PLEKHD1: variants seen among roughly 807,000 people sequenced by gnomAD.
PLEKHD1 encodes the protein pleckstrin homology and coiled-coil domain containing D1.
Under a neutral mutation model 69.2 loss-of-function variants are expected in PLEKHD1, and 51 were observed. The ratio of observed to expected loss-of-function variants is 0.74; its 90% CI spans 0.59 to 0.93. The LOEUF (loss-of-function observed/expected upper bound fraction) is 0.93. Ranked by LOEUF, PLEKHD1 falls within the 40% of genes least tolerant of loss-of-function variation. The probability of loss-of-function intolerance (pLI) is 0.00; values close to 1 mark genes in which losing one functional copy is unlikely to be tolerated. For missense variants in PLEKHD1, 584 were observed against 641.0 expected (o/e 0.91, Z 0.96); for synonymous variants, 236 against 244.7 (o/e 0.96, Z 0.33).
At chr14:69,477,272 C>G in the PLEKHD1 span, among the ~76,000 whole-genome samples, 2 of 152,034 alleles carry the variant, frequency 1.3e-5, no homozygotes, top group African/African-American at 2.4e-5. Flanking sequence ...TTCACTATCA[C>G]GAGAACAGCA....
chr14:69,476,279 T>A, the PLEKHD1 span, among the ~76,000 whole-genome samples: 313 of 89,518 alleles, frequency 3.5e-3, 2 homozygotes, highest in Admixed American at 0.011. Flanking sequence ...AAAAAAAAAA[T>A]GGCATCACTG....
At chr14:69,477,112 A>G in the PLEKHD1 span, among the ~76,000 whole-genome samples, 1 of 152,106 alleles carries the variant, frequency 6.6e-6, no homozygotes, top group Admixed American at 6.6e-5. Context: ...CCCAGGTTCA[A>G]GCAATTCTCC....
intron 1 of PLEKHD1, among the ~76,000 whole-genome samples, chr14:69,497,853 C>T (rs1420592629): frequency 6.6e-6 from 1 of 152,034 alleles, no homozygotes; most frequent in African/African-American, 2.4e-5. Flanking sequence ...GGCCACAGGG[C>T]TGTGTTTGTT....
At chr14:69,468,344 T>TA in the PLEKHD1 span, among the ~76,000 whole-genome samples, 1 of 152,356 alleles carries the variant, frequency 6.6e-6, no homozygotes, top group African/African-American at 2.4e-5. Flanking sequence ...ATGTGGCAGA[T>TA]ACTCCTTTCG....
chr14:69,498,797 G>A (rs1005932354), intron 1 of PLEKHD1, among the ~76,000 whole-genome samples: 3 of 151,946 alleles, frequency 2.0e-5, no homozygotes, highest in South Asian at 2.1e-4. Flanking sequence ...ACAGGTGTGC[G>A]CCACCACACC....
chr14:69,497,056 G>A (rs972778951), intron 1 of PLEKHD1, among the ~76,000 whole-genome samples: 1 of 152,162 alleles, frequency 6.6e-6, no homozygotes, highest in Non-Finnish European at 1.5e-5. Context: ...TGGCCCTGGA[G>A]ACAGTCGTGT....
intron 6 of PLEKHD1, among the ~76,000 whole-genome samples, chr14:69,517,925 G>A (rs962863085): frequency 1.8e-4 from 27 of 152,084 alleles, no homozygotes; most frequent in Non-Finnish European, 1.5e-4. Context: ...GGTTTGTAAT[G>A]CTACTCTAAT....
At chr14:69,477,652 G>A in the PLEKHD1 span, among the ~76,000 whole-genome samples, 3 of 152,220 alleles carry the variant, frequency 2.0e-5, no homozygotes, top group Admixed American at 1.3e-4. Context: ...AAACAAAGTG[G>A]CTACAGGCCC....
chr14:69,488,914 C>A (rs1213452904), intron 1 of PLEKHD1, among the ~76,000 whole-genome samples: 4 of 152,178 alleles, frequency 2.6e-5, no homozygotes, highest in East Asian at 1.9e-4. Context: ...ACCCTCTTCC[C>A]TTTCTGTGCT....
chr14:69,501,648 C>G, intron 4 of PLEKHD1, 86 bp from the exon 5 acceptor site: 13 of 1,028,776 alleles, frequency 1.3e-5, no homozygotes, highest in Non-Finnish European at 1.7e-5. Context: ...AAACGTATGC[C>G]TTCTCTTTCC....
At chr14:69,473,063 A>G in the PLEKHD1 span, among the ~76,000 whole-genome samples, 1 of 152,170 alleles carries the variant, frequency 6.6e-6, no homozygotes, top group Admixed American at 6.5e-5. Flanking sequence ...GCAGGAAAAC[A>G]AGTTCAGGGC....
rs1487033496 is a variant in PLEKHD1 at position 69,484,806 on chromosome 14, A to T, written c.-160A>T. On this transcript the variant is annotated 5_prime_UTR_variant, in exon 1 of 13. Transcript: ENST00000322564. Reference sequence around the variant, plus strand: ...CCTGCGCCCCCTTGGTGCCGCGTCCAGTGCCCAGCGCGCTTTGATGCTGCA... The same window carrying T: ...CCTGCGCCCCCTTGGTGCCGCGTCCTGTGCCCAGCGCGCTTTGATGCTGCA... 2.5e-6 allele frequency: 2 copies of T among 800,516 alleles called. No homozygotes were observed. Among genetic ancestry groups the T allele is most frequent in the African/African-American group, 1.8e-5 (1 of 56,024 alleles). 49.6% of individuals were successfully genotyped at this position (800,516 alleles called of 1,614,324 possible). A position where few individuals can be genotyped will look rare whatever the true frequency, so the allele number is the denominator to read the frequency against.
At chr14:69,484,243 C>T (rs1480978447), upstream of PLEKHD1, among the ~76,000 whole-genome samples, 1 of 152,232 alleles carries the variant, frequency 6.6e-6, no homozygotes, top group Non-Finnish European at 1.5e-5. Flanking sequence ...TCAGGCATCG[C>T]CACTTCACTG....
At position 69,501,951 on chromosome 14, in the gene PLEKHD1, C is replaced by A. The variant is rs147540842; in HGVS notation, c.502+126C>A. ...GGTGGGGCTATGAGGGAACAGAGAC[C>A]AGTTTGGCACCTGGAGGGCTTCCTG... On this transcript the variant is annotated intron_variant, in intron 5 of 12. Coordinates refer to ENST00000322564, the MANE Select transcript of PLEKHD1 (RefSeq NM_001161498.2). 10 of 814,290 alleles carry A rather than the reference C, an allele frequency of 1.2e-5. No individual in the cohort carries two copies. In the East Asian group the frequency reaches 2.8e-4, roughly 23 times the overall value. The allele number at this position is 814,290 out of a possible 1,614,324, so 50.4% of individuals were successfully genotyped here.
intron 7 of PLEKHD1, among the ~76,000 whole-genome samples, chr14:69,523,720 G>C (rs1594993095): frequency 6.6e-6 from 1 of 152,164 alleles, no homozygotes; most frequent in South Asian, 2.1e-4. Context: ...GGCCTTGAAA[G>C]GTGAGTAGGA....
At chr14:69,513,318 G>A (rs1883313363) in intron 6 of PLEKHD1, among the ~76,000 whole-genome samples, 1 of 152,134 alleles carries the variant, frequency 6.6e-6, no homozygotes, top group South Asian at 2.1e-4. Flanking sequence ...GAATCAGGCA[G>A]CCCTCAGAAT....
rs1883764014 is a variant in PLEKHD1, at chr14:69,530,316, T to C, written c.*1897T>C. ...GGCTTCATACAGTCTCTGCAGAATC[T>C]AGCTGGGGAGAGGGCTGAGTCAGTT... On this transcript the variant is annotated 3_prime_UTR_variant, in exon 13 of 13. Coordinates refer to ENST00000322564, the MANE Select transcript of PLEKHD1 (RefSeq NM_001161498.2). 1 of 152,234 alleles carries C rather than the reference T, an allele frequency of 6.6e-6. No homozygotes were observed. Among genetic ancestry groups the C allele is most frequent in the South Asian group, 2.1e-4 (1 of 4,822 alleles). The allele number at this position is 152,234 out of a possible 1,614,324, so 9.4% of individuals were successfully genotyped here. A position where few individuals can be genotyped will look rare whatever the true frequency, so the allele number is the denominator to read the frequency against.
chr14:69,487,752 A>G (rs1185904393), intron 1 of PLEKHD1, among the ~76,000 whole-genome samples: 3 of 152,186 alleles, frequency 2.0e-5, no homozygotes, highest in African/African-American at 7.2e-5. Context: ...TCTAGAAGGG[A>G]AGGCTGTTGA....
chr14:69,509,908 A>C (rs1883233795), intron 6 of PLEKHD1, among the ~76,000 whole-genome samples: 1 of 152,022 alleles, frequency 6.6e-6, no homozygotes, highest in Admixed American at 6.6e-5. Flanking sequence ...ACTGCACCCC[A>C]GCCTGGGTTA....
Sources: gnomAD v4.1 joint callset for allele counts (sites outside exome capture counted in the v4.1 genomes callset) on GRCh38, gnomAD v4.1.1 for gene constraint, MANE v1.5 for transcripts, NCBI Gene and HGNC (gene_info 2026-07-23, HGNC 2026-07-21) for gene names.